MLLT10: variants seen among roughly 807,000 people sequenced by gnomAD.
MLLT10 encodes MLLT10 histone lysine methyltransferase DOT1L cofactor.
A neutral mutation model predicts 129.1 loss-of-function variants in MLLT10; 30 were observed. The observed-to-expected ratio is 0.23, with a 90% CI of 0.17 to 0.32. The LOEUF (loss-of-function observed/expected upper bound fraction) is 0.32. Among genes scored for constraint, MLLT10 ranks in the 10% least tolerant of loss-of-function variants. The pLI, the probability that MLLT10 is intolerant of heterozygous loss-of-function variation, is 1.00. For synonymous variants in MLLT10, 490 were observed against 446.4 expected (o/e 1.10, Z -1.23); for missense variants, 1,119 against 1,268.3 (o/e 0.88, Z 1.79).
chr10:21,566,198 G>T (rs1482862648), intron 3 of MLLT10, among the ~76,000 whole-genome samples: 1 of 151,296 alleles, frequency 6.6e-6, no homozygotes, highest in Non-Finnish European at 1.5e-5. Context: ...CAGGTGATCT[G>T]CTCTCCTAGG....
intron 3 of MLLT10, among the ~76,000 whole-genome samples, chr10:21,569,984 A>G (rs921007782): frequency 1.3e-5 from 2 of 152,076 alleles, no homozygotes; most frequent in African/African-American, 4.8e-5. Flanking sequence ...ATCTCGGCTC[A>G]TTGCAATCTC....
chr10:21,646,807 C>G (rs1250024808), intron 8 of MLLT10, among the ~76,000 whole-genome samples: 1 of 151,524 alleles, frequency 6.6e-6, no homozygotes, highest in African/African-American at 2.4e-5. Context: ...GTGAACTACA[C>G]ACAAAGCTCA....
At chr10:21,613,397 A>G (rs116026184) in intron 6 of MLLT10, among the ~76,000 whole-genome samples, 4,702 of 152,178 alleles carry the variant, frequency 0.031, 246 homozygotes, top group African/African-American at 0.11. Context: ...TTTAGTGTGT[A>G]GTTATATGAA....
chr10:21,579,165 TTAAG>T, intron 3 of MLLT10, among the ~76,000 whole-genome samples: 1 of 152,344 alleles, frequency 6.6e-6, no homozygotes, highest in African/African-American at 2.4e-5. Flanking sequence ...TCTTAGCAAT[TTAAG>T]TATTTTAGTT....
chr10:21,713,180 T>C (rs1464045712), intron 13 of MLLT10, among the ~76,000 whole-genome samples: 3 of 152,172 alleles, frequency 2.0e-5, no homozygotes, highest in Non-Finnish European at 4.4e-5. Context: ...ATACAGTCAG[T>C]CACAAAGTCC....
Position 21,742,654 on chromosome 10 carries a change from A to G in MLLT10, c.*671A>G, listed in dbSNP as rs761913585. On this transcript the variant is annotated 3_prime_UTR_variant, in exon 23 of 23. Transcript: ENST00000307729. ...TTCTTTAGTGTTAAGACCTACTCATATTTTGAAGAAATCTTGAGTTAAGTG... is the reference window on the plus strand; with the variant it reads ...TTCTTTAGTGTTAAGACCTACTCATGTTTTGAAGAAATCTTGAGTTAAGTG... 1.3e-5 allele frequency: 3 copies of G among 223,134 alleles called. No individual in the cohort carries two copies. Among genetic ancestry groups the G allele is most frequent in the Non-Finnish European group, 2.7e-5 (3 of 111,904 alleles). 13.8% of individuals were successfully genotyped at this position (223,134 alleles called of 1,614,324 possible). A position where few individuals can be genotyped will look rare whatever the true frequency, so the allele number is the denominator to read the frequency against.
intron 3 of MLLT10, among the ~76,000 whole-genome samples, chr10:21,566,356 AGTCTT>A (rs1264999088): frequency 1.4e-5 from 2 of 148,006 alleles, no homozygotes; most frequent in African/African-American, 5.0e-5. Flanking sequence ...TTTGAGACAA[AGTCTT>A]ACTCTTGCCC....
At position 21,735,173 on chromosome 10, in the gene MLLT10, C is replaced by A. The variant is rs2131583759; in HGVS notation, c.2893C>A (p.Arg965=). Residue 965 remains arginine (R), a synonymous_variant, in exon 21 of 23, where the codon CGA becomes AGA. Transcript: ENST00000307729. ...SGLGLLSDQQ[R]QILIHQQQFQ... ...ACTAGGATTACTTTCTGACCAGCAA[C>A]GACAAATACTTATTCATCAACAGCA... 3 of 1,613,912 alleles carry A rather than the reference C, an allele frequency of 1.9e-6. No individual in the cohort carries two copies. Among genetic ancestry groups the A allele is most frequent in the Non-Finnish European group, 2.5e-6 (3 of 1,179,972 alleles).
At chr10:21,673,317 A>G in intron 10 of MLLT10, 33 bp from the exon 11 acceptor site, 7 of 173,568 alleles carry the variant, frequency 4.0e-5, no homozygotes, top group Non-Finnish European at 6.0e-5. Context: ...CCACCCCCCA[A>G]CTTTTTTTTT....
chr10:21,737,285 G>A (rs1337198212), intron 21 of MLLT10, among the ~76,000 whole-genome samples: 2 of 152,134 alleles, frequency 1.3e-5, no homozygotes, highest in Non-Finnish European at 2.9e-5. Flanking sequence ...GGAAATGGGA[G>A]GGAGAGGAAG....
intron 16 of MLLT10, among the ~76,000 whole-genome samples, chr10:21,730,154 TG>T (rs1489023117): frequency 1.3e-5 from 2 of 150,424 alleles, no homozygotes; most frequent in East Asian, 4.0e-4. Flanking sequence ...AAGCTGTGCG[TG>T]GTAGTGTGTG....
At chr10:21,583,904 C>G (rs1296013945) in intron 3 of MLLT10, among the ~76,000 whole-genome samples, 13 of 151,424 alleles carry the variant, frequency 8.6e-5, no homozygotes, top group Non-Finnish European at 4.4e-5. Flanking sequence ...GAGTCTCGCT[C>G]TGTCACCCAG....
intron 14 of MLLT10, among the ~76,000 whole-genome samples, chr10:21,719,688 G>A (rs2056996705): frequency 6.6e-6 from 1 of 152,046 alleles, no homozygotes; most frequent in Admixed American, 6.6e-5. Context: ...TAATTTTTGT[G>A]AGCCTCAATG....
At chr10:21,647,056 C>T (rs1407090658) in intron 8 of MLLT10, among the ~76,000 whole-genome samples, 4 of 152,100 alleles carry the variant, frequency 2.6e-5, no homozygotes, top group Non-Finnish European at 5.9e-5. Context: ...CGGGGTTTCA[C>T]CGTCTTAGCC....
At chr10:21,722,408 G>A (rs2057196247) in intron 14 of MLLT10, among the ~76,000 whole-genome samples, 1 of 152,124 alleles carries the variant, frequency 6.6e-6, no homozygotes, top group Non-Finnish European at 1.5e-5. Flanking sequence ...TGCTTTCAAT[G>A]CACTTTTCAA....
intron 8 of MLLT10, among the ~76,000 whole-genome samples, chr10:21,633,229 G>T (rs1422289286): frequency 6.6e-6 from 1 of 152,186 alleles, no homozygotes; most frequent in Non-Finnish European, 1.5e-5. Flanking sequence ...CATGTAAAAT[G>T]TCCTGGCACA....
intron 3 of MLLT10, among the ~76,000 whole-genome samples, chr10:21,584,927 TG>T (rs2041859417): frequency 6.6e-6 from 1 of 151,814 alleles, no homozygotes; most frequent in Non-Finnish European, 1.5e-5. Context: ...TTTTTATTTT[TG>T]TTTTTTTTGA....
At chr10:21,630,066 G>A (rs2046856993) in intron 8 of MLLT10, among the ~76,000 whole-genome samples, 1 of 152,208 alleles carries the variant, frequency 6.6e-6, no homozygotes, top group Non-Finnish European at 1.5e-5. Context: ...AGAAAGAAGA[G>A]AAGCATGTAG....
At chr10:21,596,649 A>T (rs1564477915) in intron 5 of MLLT10, among the ~76,000 whole-genome samples, 1 of 151,376 alleles carries the variant, frequency 6.6e-6, no homozygotes, top group Non-Finnish European at 1.5e-5. Flanking sequence ...AAAAAAAAAA[A>T]TATTAAAATG....
Sources: gnomAD v4.1 joint callset for allele counts (sites outside exome capture counted in the v4.1 genomes callset) on GRCh38, gnomAD v4.1.1 for gene constraint, MANE v1.5 for transcripts, NCBI Gene and HGNC (gene_info 2026-07-23, HGNC 2026-07-21) for gene names.